Variants in TRAF2 observed in about 807,000 individuals in gnomAD.
TRAF2 encodes TNF receptor-associated factor 2.
Under a neutral mutation model 55.6 loss-of-function variants are expected in TRAF2, and 6 were observed. The observed-to-expected ratio is 0.11, with a 90% CI of 0.06 to 0.21. The LOEUF (loss-of-function observed/expected upper bound fraction) is 0.21, where lower values mean the gene tolerates loss of function less well. TRAF2 is among the 10% of genes least tolerant of loss of function. The pLI is 1.00. For synonymous variants in TRAF2, 329 were observed against 276.3 expected (o/e 1.19, Z -1.89); for missense variants, 561 against 684.5 (o/e 0.82, Z 2.01).
At chr9:136,911,070 T>A (rs533885106) in intron 6 of TRAF2, among the ~76,000 whole-genome samples, 6 of 152,318 alleles carry the variant, frequency 3.9e-5, no homozygotes, top group African/African-American at 1.2e-4. Flanking sequence ...TGCCCCAGTC[T>A]GTGTCAGCCC....
chr9:136,911,472 C>A (rs1023924483), intron 6 of TRAF2, among the ~76,000 whole-genome samples: 47 of 152,144 alleles, frequency 3.1e-4, no homozygotes, highest in African/African-American at 1.1e-3. Flanking sequence ...CCATGTTGGT[C>A]AGTCTGGTTC....
In TRAF2 at chr9:136,909,937, C is replaced by T; in HGVS notation, c.546C>T (p.Cys182=). Residue 182 remains cysteine, a synonymous_variant, in exon 6 of 11, where the codon TGC becomes TGT. Transcript: ENST00000247668. ...TTTTGAAGGCGCACCACGAGGTCTG[C>T]CCCAAGTTCCCCTTAACTTGTGACG... ...GADVKAHHEV[C]PKFPLTCDGC... 6.2e-7 allele frequency: 1 copy of T among 1,614,192 alleles called. No homozygotes were observed. Among genetic ancestry groups the T allele is most frequent in the Non-Finnish European group, 8.5e-7 (1 of 1,180,032 alleles).
chr9:136,901,710 G>A (rs1366650634), intron 4 of TRAF2, among the ~76,000 whole-genome samples: 2 of 152,210 alleles, frequency 1.3e-5, no homozygotes, highest in Non-Finnish European at 2.9e-5. Flanking sequence ...TCAGAATCCT[G>A]GCTTTCTGCA....
intron 7 of TRAF2, among the ~76,000 whole-genome samples, chr9:136,919,942 T>C (rs906182031): frequency 6.6e-6 from 1 of 152,140 alleles, no homozygotes; most frequent in Non-Finnish European, 1.5e-5. Flanking sequence ...AGTCTCCAAC[T>C]CCTGGGCCCA....
intron 1 of TRAF2, among the ~76,000 whole-genome samples, chr9:136,896,502 G>T (rs1256050552): frequency 6.6e-6 from 1 of 152,202 alleles, no homozygotes; most frequent in South Asian, 2.1e-4. Flanking sequence ...TCTCTTGGGC[G>T]TCTGTGCCGT....
At chr9:136,912,201 C>T (rs1197379440) in intron 6 of TRAF2, among the ~76,000 whole-genome samples, 2 of 124,538 alleles carry the variant, frequency 1.6e-5, no homozygotes, top group Non-Finnish European at 3.2e-5. Flanking sequence ...CTCACTCTGT[C>T]GTCAGGCTGG....
At chr9:136,898,965 A>G (rs1245764491) in intron 2 of TRAF2, 37 bp downstream of exon 2, 1 of 1,556,684 alleles carries the variant, frequency 6.4e-7, no homozygotes, top group Non-Finnish European at 8.7e-7. Context: ...AGGGGCAGGC[A>G]GGCTAGGCTG....
chr9:136,900,653 G>A, intron 4 of TRAF2, 133 bp downstream of exon 4: 2 of 763,592 alleles, frequency 2.6e-6, no homozygotes, highest in Non-Finnish European at 4.7e-6. Context: ...GTCTGTGGAG[G>A]AAGAGACGGA....
chr9:136,909,935 T>C lies in TRAF2; in HGVS notation c.544T>C (p.Cys182Arg), dbSNP rs929523964. 1.4e-5 allele frequency: 23 copies of C among 1,614,078 alleles called. No individual in the cohort carries two copies. The highest frequency in any genetic ancestry group is 1.9e-5 in the Non-Finnish European group (23 of 1,180,034). ...TCTTTTGAAGGCGCACCACGAGGTC[T>C]GCCCCAAGTTCCCCTTAACTTGTGA... ...GADVKAHHEV[C>R]PKFPLTCDGC... Residue 182 changes from cysteine (C) to arginine (R), a missense_variant, in exon 6 of 11, where the codon TGC becomes CGC. Coordinates refer to ENST00000247668, the MANE Select transcript of TRAF2 (RefSeq NM_021138.4).
rs934832468 is a variant in TRAF2 at position 136,915,707 on chromosome 9, G to A, written c.604-834G>A. Among the ~76,000 whole-genome samples the A allele has an allele frequency of 7.9e-5, 12 of 152,214 alleles. No homozygotes were observed. In the South Asian group the frequency reaches 8.3e-4, roughly 11 times the overall value. ...AGCAGAGCCTCGAGGCGGTTCTGAC[G>A]GGCGTTTCCCAAGCTGTGGTGTGAC... On this transcript the variant is annotated intron_variant, in intron 6 of 10. Coordinates refer to ENST00000247668, the MANE Select transcript of TRAF2 (RefSeq NM_021138.4).
chr9:136,909,889 A>G (rs750148975), intron 5 of TRAF2, 31 bp from the exon 6 acceptor site: 10 of 1,613,218 alleles, frequency 6.2e-6, no homozygotes, highest in Admixed American at 1.7e-5. Flanking sequence ...ATTGGCGTCC[A>G]CCCTCACACT....
intron 10 of TRAF2, among the ~76,000 whole-genome samples, chr9:136,925,069 A>G (rs1042066993): frequency 3.3e-5 from 5 of 152,108 alleles, no homozygotes; most frequent in African/African-American, 1.2e-4. Context: ...TATTTTGTGG[A>G]ATTGAAGATG....
chr9:136,894,516 T>C (rs535328067), intron 1 of TRAF2, among the ~76,000 whole-genome samples: 38 of 151,950 alleles, frequency 2.5e-4, no homozygotes, highest in African/African-American at 8.9e-4. Context: ...TGCAGATCCA[T>C]AGGGACCAGC....
At chr9:136,886,393 C>T, upstream of TRAF2, 1 of 988,320 alleles carries the variant, frequency 1.0e-6, no homozygotes, top group Non-Finnish European at 1.2e-6. Context: ...CGTATCTGGC[C>T]AATGGCTCTC....
Position 136,926,301 on chromosome 9 carries a change from T to A in TRAF2, c.*400T>A, listed in dbSNP as rs1457627671. ...TGGATGGCCTTGTGTCCCTCGGGCA[T>A]GACAGGCAGAAACGAGGGCTGCTCC... On this transcript the variant is annotated 3_prime_UTR_variant, in exon 11 of 11. Coordinates refer to ENST00000247668, the MANE Select transcript of TRAF2 (RefSeq NM_021138.4). The A allele has an allele frequency of 2.8e-6, 1 of 354,086 alleles. No homozygotes were observed. The highest frequency in any genetic ancestry group is 5.6e-6 in the Non-Finnish European group (1 of 179,798). The allele number at this position is 354,086 out of a possible 1,614,324, so 21.9% of individuals were successfully genotyped here.
At chr9:136,909,615 G>A (rs558067947) in intron 5 of TRAF2, among the ~76,000 whole-genome samples, 41 of 152,302 alleles carry the variant, frequency 2.7e-4, no homozygotes, top group Non-Finnish European at 4.9e-4. Flanking sequence ...GCCTCCCAGC[G>A]GGAGCAGCGT....
chr9:136,908,100 C>G lies in TRAF2; in HGVS notation c.397C>G (p.Leu133Val), dbSNP rs778684217. 122 of 1,605,766 alleles carry G rather than the reference C, an allele frequency of 7.6e-5. 1 individual carries two copies. The South Asian group carries it at 1.3e-3, about 17-fold the overall frequency. ...SCHEGRCPLM[L>V]TECPACKGLV... ...CCACGAAGGCCGCTGCCCGCTCATG[C>G]TGACCGAATGTCCCGCGTGCAAAGG... The change falls in exon 5 of 11, where the codon CTG (leucine) becomes GTG (valine). Residue 133 changes from leucine (L) to valine (V), a missense_variant. Leu to Val is a conservative substitution (Grantham distance 32). Transcript: ENST00000247668.
At chr9:136,895,491 G>A (rs531090415) in intron 1 of TRAF2, among the ~76,000 whole-genome samples, 6 of 152,326 alleles carry the variant, frequency 3.9e-5, no homozygotes, top group East Asian at 3.9e-4. Flanking sequence ...TGGGGCTGTC[G>A]TCCAGGCACA....
rs369765173 is a variant in TRAF2 at position 136,913,295 on chromosome 9, A to ATTTTTTTTTTTT, written c.604-3235_604-3224dup. ...CATACCATGTTCTTATTATAAAGGA[A>ATTTTTTTTTTTT]TTTTTTTTTTTTTTTTTTTTTTGAG... On this transcript the variant is annotated intron_variant, in intron 6 of 10. Transcript: ENST00000247668. 4.6e-4 allele frequency among the ~76,000 whole-genome samples: 40 copies of ATTTTTTTTTTTT among 87,088 alleles called. 2 individuals carry two copies. The highest frequency in any genetic ancestry group is 1.8e-3 in the African/African-American group (35 of 19,932). The allele number at this position is 87,088 out of a possible 152,430, so 57.1% of individuals were successfully genotyped here.
Sources: allele counts gnomAD v4.1 joint callset (sites outside exome capture counted in the v4.1 genomes callset), GRCh38; gene constraint gnomAD v4.1.1; transcripts MANE v1.5; gene names NCBI Gene and HGNC (gene_info 2026-07-23, HGNC 2026-07-21).